Variants in MROH9 observed in about 807,000 individuals in gnomAD.
The protein encoded by MROH9 is maestro heat like repeat family member 9.
In MROH9, 92 loss-of-function variants were observed where a neutral mutation model predicts 98.2. The ratio of observed to expected loss-of-function variants is 0.94; its 90% confidence interval spans 0.79 to 1.11. The LOEUF is 1.11. MROH9 is among the 50% of genes most tolerant of loss of function. The probability of loss-of-function intolerance (pLI) is 0.00; values close to 1 mark genes in which losing one functional copy is unlikely to be tolerated. For synonymous variants in MROH9, 397 were observed against 368.9 expected (o/e 1.08, Z -0.87); for missense variants, 1,057 against 1,014.8 (o/e 1.04, Z -0.57).
At chr1:170,978,083 T>C (rs896219499) in intron 8 of MROH9, among the ~76,000 whole-genome samples, 13 of 151,130 alleles carry the variant, frequency 8.6e-5, no homozygotes, top group African/African-American at 3.2e-4. Context: ...GGCAGAGGAG[T>C]TTTCATTTGC....
At chr1:170,988,297 A>T (rs1386433527) in intron 10 of MROH9, among the ~76,000 whole-genome samples, 1 of 152,158 alleles carries the variant, frequency 6.6e-6, no homozygotes, top group Non-Finnish European at 1.5e-5. Flanking sequence ...GTCTTACTCA[A>T]ATTCATAGAG....
rs867147120 is a variant in MROH9, at chr1:170,995,652, A to G, written c.1337+121A>G. On this transcript the variant is annotated intron_variant, in intron 13 of 21. Transcript: ENST00000367759. ...CCCATGTGCGGTGTGTTCATTTATT[A>G]CAGTTTTCTCTCCTCTGAATGGTAG... is the stretch of plus-strand genomic sequence containing the variant. The G allele has an allele frequency of 4.7e-5, 54 of 1,149,116 alleles. 2 individuals are homozygous for G. The Middle Eastern group carries it at 8.6e-3, about 182-fold the overall frequency. 71.2% of individuals were successfully genotyped at this position (1,149,116 alleles called of 1,614,324 possible).
intron 3 of MROH9, among the ~76,000 whole-genome samples, chr1:170,957,788 T>A (rs919042427): frequency 7.2e-5 from 9 of 125,556 alleles, no homozygotes; most frequent in African/African-American, 1.1e-4. Context: ...CCTGCTGGCA[T>A]TTTTTTGTTT....
intron 3 of MROH9, among the ~76,000 whole-genome samples, chr1:170,957,346 T>C (rs1649804703): frequency 6.6e-6 from 1 of 152,248 alleles, no homozygotes; most frequent in Non-Finnish European, 1.5e-5. Context: ...TCAACTTTTG[T>C]ATATGGTAAA....
intron 8 of MROH9, among the ~76,000 whole-genome samples, chr1:170,980,516 G>T (rs1650890162): frequency 6.6e-6 from 1 of 152,092 alleles, no homozygotes; most frequent in South Asian, 2.1e-4. Context: ...ACAAACAATG[G>T]GGAAAGAATT....
chr1:170,996,419 C>G (rs183118358), intron 13 of MROH9, 88 bp from the exon 14 acceptor site: 1 of 1,458,530 alleles, frequency 6.9e-7, no homozygotes, highest in East Asian at 2.3e-5. Context: ...ATATTCTGCC[C>G]AAGATGGGAT....
Position 170,938,211 on chromosome 1 carries a change from A to T in MROH9, c.-38+2624A>T, listed in dbSNP as rs181344638. ...GCAGTCTTAACTTCCAGTTCAGTGG[A>T]ATTATTGTCGTGTCCCCTGATGGAA... is the stretch of plus-strand genomic sequence containing the variant. On this transcript the variant is annotated intron_variant, in intron 1 of 21. Transcript: ENST00000367759. Among the ~76,000 whole-genome samples the T allele has an allele frequency of 4.1e-3, 627 of 152,202 alleles. 3 individuals are homozygous for T. The highest frequency in any genetic ancestry group is 0.015 in the African/African-American group (608 of 41,534).
chr1:170,983,624 A>C (rs1341596537), intron 9 of MROH9, 90 bp downstream of exon 9: 1 of 790,096 alleles, frequency 1.3e-6, no homozygotes, highest in Non-Finnish European at 2.1e-6. Flanking sequence ...TTATGTCGTT[A>C]GTATTTTTTC....
At chr1:171,036,501 A>G (rs1233363476) in intron 20 of MROH9, among the ~76,000 whole-genome samples, 1 of 152,104 alleles carries the variant, frequency 6.6e-6, no homozygotes, top group Non-Finnish European at 1.5e-5. Context: ...TATAAGCTAA[A>G]GTTGAGCATA....
chr1:170,998,175 T>C lies in MROH9; in HGVS notation c.1497T>C (p.Phe499=), dbSNP rs1428952411. The change falls in exon 15 of 22, where the codon TTT becomes TTC. Residue 499 remains phenylalanine (F), a synonymous_variant. Coordinates refer to ENST00000367759, the MANE Select transcript of MROH9 (RefSeq NM_001163629.2). ...ACAGAACTCTCAGTGAATATAACTTTCCACAGTTTCCGGAGACCCTGAGTT... is the reference window on the plus strand; with the variant it reads ...ACAGAACTCTCAGTGAATATAACTTCCCACAGTTTCCGGAGACCCTGAGTT... ...FIAKTLSEYN[F]PQFPETLSYL... is the part of the protein sequence containing the mutation. 1.9e-6 allele frequency: 3 copies of C among 1,607,768 alleles called. No homozygotes were observed. The highest frequency in any genetic ancestry group is 2.5e-6 in the Non-Finnish European group (3 of 1,178,096).
At chr1:170,955,812 T>C (rs995515776) in intron 3 of MROH9, among the ~76,000 whole-genome samples, 6 of 152,252 alleles carry the variant, frequency 3.9e-5, no homozygotes, top group African/African-American at 1.4e-4. Flanking sequence ...AAAAGCTCTT[T>C]AGTTTAATTA....
At chr1:170,967,000 T>A (rs947582721) in intron 7 of MROH9, among the ~76,000 whole-genome samples, 4 of 152,184 alleles carry the variant, frequency 2.6e-5, no homozygotes, top group Non-Finnish European at 5.9e-5. Flanking sequence ...TGAGTTCCAC[T>A]CAAGTAGCAG....
Position 170,983,468 on chromosome 1 carries a change from G to C in MROH9, c.663G>C (p.Gln221His), listed in dbSNP as rs758710250. The change falls in exon 9 of 22, where the codon CAG (glutamine) becomes CAC (histidine). Residue 221 changes from glutamine (Q) to histidine (H), a missense_variant. Physicochemically the swap from Gln to His is conservative, Grantham distance 24. Coordinates refer to ENST00000367759, the MANE Select transcript of MROH9 (RefSeq NM_001163629.2). ...KPTNGKSHSL[Q>H]FPSSDVEFLP... Reference sequence around the variant, plus strand: ...CAAACGGTAAAAGTCATAGCCTCCAGTTTCCTTCTTCTGATGTAGAATTTC... The same window carrying C: ...CAAACGGTAAAAGTCATAGCCTCCACTTTCCTTCTTCTGATGTAGAATTTC... 6.2e-7 allele frequency: 1 copy of C among 1,613,328 alleles called. No homozygotes were observed. Among genetic ancestry groups the C allele is most frequent in the Admixed American group, 1.7e-5 (1 of 59,926 alleles).
intron 2 of MROH9, 100 bp from the exon 3 acceptor site, chr1:170,947,427 A>G: frequency 2.1e-6 from 2 of 940,734 alleles, no homozygotes; most frequent in South Asian, 1.4e-5. Flanking sequence ...GGGCTTTGAC[A>G]TCAAGGTCAT....
chr1:170,955,026 T>C (rs1557872004), intron 3 of MROH9, among the ~76,000 whole-genome samples: 1 of 152,118 alleles, frequency 6.6e-6, no homozygotes. Flanking sequence ...TGCATCCTCA[T>C]AGCTTAGCTC....
chr1:170,994,184 G>T (rs933614050), intron 12 of MROH9, among the ~76,000 whole-genome samples: 35 of 152,156 alleles, frequency 2.3e-4, no homozygotes, highest in Admixed American at 1.2e-3. Flanking sequence ...TCGGCTCTTT[G>T]GGTGACTGCA....
intron 15 of MROH9, among the ~76,000 whole-genome samples, chr1:171,004,629 T>G (rs28811078): frequency 0.23 from 35,695 of 152,064 alleles, 5,070 homozygotes; most frequent in African/African-American, 0.4. Context: ...CTGCAGGAGC[T>G]TCCACTTCCT....
chr1:170,996,769 G>A lies in MROH9; in HGVS notation c.1475+125G>A, dbSNP rs953366006. 3.3e-6 allele frequency: 3 copies of A among 904,730 alleles called. No homozygotes were observed. The African/African-American group carries it at 5.1e-5, about 15-fold the overall frequency. The allele number at this position is 904,730 out of a possible 1,614,324, so 56.0% of individuals were successfully genotyped here. ...ATTTCCAAATCTCTCTTAATGATCTGAGTTGCTATTTGATTTCTACTTCTT... is the reference window on the plus strand; with the variant it reads ...ATTTCCAAATCTCTCTTAATGATCTAAGTTGCTATTTGATTTCTACTTCTT... On this transcript the variant is annotated intron_variant, in intron 14 of 21. Coordinates refer to ENST00000367759, the MANE Select transcript of MROH9 (RefSeq NM_001163629.2).
rs1385443602 is a variant in MROH9 at position 171,055,342 on chromosome 1, G to T, written c.2282-6790G>T. On this transcript the variant is annotated intron_variant, in intron 20 of 21. Coordinates refer to ENST00000367759, the MANE Select transcript of MROH9 (RefSeq NM_001163629.2). The stretch of plus-strand genomic sequence containing the variant: ...CAAAGGCATAAGAATGATACAATGG[G>T]CCAGGTGCAGTGGCTCATGCCTTTA... Among the ~76,000 whole-genome samples, 15 of 152,096 alleles carry T rather than the reference G, an allele frequency of 9.9e-5. No homozygotes were observed. In the East Asian group the frequency reaches 2.9e-3, roughly 29 times the overall value.
Sources: allele counts gnomAD v4.1 joint callset (sites outside exome capture counted in the v4.1 genomes callset), GRCh38; gene constraint gnomAD v4.1.1; transcripts MANE v1.5; gene names NCBI Gene and HGNC (gene_info 2026-07-23, HGNC 2026-07-21).